Variants in RALGAPA1 observed in about 807,000 individuals in gnomAD.
The protein encoded by RALGAPA1 is Ral GTPase activating protein catalytic subunit alpha 1, also known as ral GTPase-activating protein subunit alpha-1.
Under a neutral mutation model 269.6 loss-of-function variants are expected in RALGAPA1, and 52 were observed. The observed-to-expected ratio is 0.19, with a 90% CI of 0.15 to 0.24. RALGAPA1 has a LOEUF of 0.24. RALGAPA1 is among the 10% of genes least tolerant of loss of function. RALGAPA1 has a pLI of 1.00. For synonymous variants in RALGAPA1, 817 were observed against 1,008.3 expected, an observed-to-expected ratio of 0.81 and a Z score of 3.60; for missense variants, 1,917 against 3,013.9, an observed-to-expected ratio of 0.64 and a Z score of 8.52.
chr14:35,789,342 C>T (rs2076000890), intron 1 of RALGAPA1, among the ~76,000 whole-genome samples: 1 of 151,862 alleles, frequency 6.6e-6, no homozygotes, highest in Admixed American at 6.6e-5. Context: ...GCCTATAATC[C>T]CAGCACTTTG....
chr14:35,717,934 C>T (rs371788509), intron 16 of RALGAPA1, among the ~76,000 whole-genome samples: 29 of 152,196 alleles, frequency 1.9e-4, no homozygotes, highest in African/African-American at 6.3e-4. Flanking sequence ...TCTCTTCTTT[C>T]CTTACTCCTC....
intron 30 of RALGAPA1, among the ~76,000 whole-genome samples, chr14:35,653,464 A>G (rs951619298): frequency 6.6e-6 from 1 of 152,208 alleles, no homozygotes; most frequent in Non-Finnish European, 1.5e-5. Flanking sequence ...CATTTCAGCT[A>G]GGAGGAAGAA....
chr14:35,689,081 G>C lies in RALGAPA1; in HGVS notation c.3330C>G (p.Asn1110Lys), dbSNP rs547439950. The C allele has an allele frequency of 4.4e-5, 55 of 1,236,312 alleles. No individual in the cohort carries two copies. Among genetic ancestry groups the C allele is most frequent in the Non-Finnish European group, 5.5e-5 (54 of 990,528 alleles). 76.6% of individuals were successfully genotyped at this position (1,236,312 alleles called of 1,614,324 possible). A position where few individuals can be genotyped will look rare whatever the true frequency, so the allele number is the denominator to read the frequency against. The change falls in exon 18 of 42, where the codon AAC becomes AAG. Residue 1110 changes from asparagine to lysine, a missense_variant. Coordinates refer to ENST00000680220, the MANE Select transcript of RALGAPA1 (RefSeq NM_001346249.2). ...TACTTGTAACATGAGGCATTCTGCG[G>C]TTAACAGGTGCTTTTAGTGTTGCTT... The part of the protein sequence containing the change: ...AKKATLKAPV[N>K]RRMPHVTSTS...
At chr14:35,623,362 T>TACAC (rs1041190884) in intron 35 of RALGAPA1, among the ~76,000 whole-genome samples, 15 of 150,386 alleles carry the variant, frequency 1.0e-4, no homozygotes, top group Admixed American at 4.0e-4. Flanking sequence ...CACACAGACA[T>TACAC]ACACACACAC....
chr14:35,620,613 CCAT>C (rs776695274), intron 35 of RALGAPA1, among the ~76,000 whole-genome samples: 3 of 152,176 alleles, frequency 2.0e-5, no homozygotes, highest in East Asian at 1.9e-4. Context: ...TTAGAAAACC[CCAT>C]CGTCTCAGCC....
At chr14:35,647,778 C>T (rs1433979547) in intron 31 of RALGAPA1, among the ~76,000 whole-genome samples, 2 of 151,450 alleles carry the variant, frequency 1.3e-5, no homozygotes, top group African/African-American at 4.9e-5. Context: ...TATGGTGAAA[C>T]CCCATCTCCA....
intron 37 of RALGAPA1, among the ~76,000 whole-genome samples, chr14:35,581,066 C>T (rs910322276): frequency 3.3e-5 from 5 of 152,036 alleles, no homozygotes; most frequent in African/African-American, 1.2e-4. Flanking sequence ...AACTTATTAC[C>T]ACTAATGTGG....
intron 28 of RALGAPA1, among the ~76,000 whole-genome samples, chr14:35,657,069 G>T (rs189120568): frequency 6.6e-6 from 1 of 152,010 alleles, no homozygotes; most frequent in Non-Finnish European, 1.5e-5. Context: ...CTTGCATGTA[G>T]AGTTTCCTAC....
rs755958684 is a variant in RALGAPA1 at position 35,683,973 on chromosome 14, C to A, written c.4307G>T (p.Gly1436Val). ...DGRKFDNFGF[G>V]TDTGVTSSAD... ...AGAGGACGTAACCCCAGTGTCGGTTCCAAAGCCAAAATCTATAGGAAGAAG... is the reference window on the plus strand; with the variant it reads ...AGAGGACGTAACCCCAGTGTCGGTTACAAAGCCAAAATCTATAGGAAGAAG... The change falls in exon 21 of 42, where the codon GGA (glycine) becomes GTA (valine). Residue 1436 changes from glycine (G) to valine (V), a missense_variant. Coordinates refer to ENST00000680220, the MANE Select transcript of RALGAPA1 (RefSeq NM_001346249.2). 12 of 1,607,262 alleles carry A rather than the reference C, an allele frequency of 7.5e-6. No individual in the cohort carries two copies. In the South Asian group the frequency reaches 1.3e-4, roughly 18 times the overall value.
intron 12 of RALGAPA1, among the ~76,000 whole-genome samples, chr14:35,737,675 T>C (rs749049966): frequency 1.5e-5 from 2 of 137,854 alleles, no homozygotes; most frequent in Non-Finnish European, 3.0e-5. Context: ...AGGAGAATCA[T>C]TTGAACCCAG....
At chr14:35,571,068 T>C (rs2057149530) in intron 38 of RALGAPA1, among the ~76,000 whole-genome samples, 1 of 152,200 alleles carries the variant, frequency 6.6e-6, no homozygotes, top group Non-Finnish European at 1.5e-5. Context: ...AATTTCCTTT[T>C]CTCCATTGAG....
At chr14:35,800,387 T>C (rs1031470558) in intron 1 of RALGAPA1, among the ~76,000 whole-genome samples, 3 of 152,190 alleles carry the variant, frequency 2.0e-5, no homozygotes, top group African/African-American at 7.2e-5. Context: ...TTATAAAAAA[T>C]AGTGTTTTCT....
intron 7 of RALGAPA1, among the ~76,000 whole-genome samples, chr14:35,752,874 A>G (rs1190136431): frequency 2.0e-5 from 3 of 152,184 alleles, no homozygotes; most frequent in Admixed American, 6.6e-5. Context: ...GAATAATATG[A>G]GCCACATTTC....
chr14:35,742,426 C>T lies in RALGAPA1; in HGVS notation c.1391G>A (p.Cys464Tyr). The T allele has an allele frequency of 6.2e-7, 1 of 1,605,620 alleles. No individual in the cohort carries two copies. The highest frequency in any genetic ancestry group is 1.1e-5 in the South Asian group (1 of 90,542). ...EIVITSSDLP[C>Y]IENVTDHDIS... ...ATCATGGTCTGTGACATTTTCAATG[C>T]AAGGGAGGTCTGAAGAAGTGATCAC... Residue 464 changes from cysteine (C) to tyrosine (Y), a missense_variant, in exon 11 of 42, where the codon TGC (cysteine) becomes TAC (tyrosine). This residue lies in a region of RALGAPA1 where 462 missense variants were observed against 725.6 expected (regional missense o/e 0.64). Transcript: ENST00000680220.
chr14:35,770,037 C>A (rs2074497513), intron 4 of RALGAPA1, among the ~76,000 whole-genome samples: 1 of 151,878 alleles, frequency 6.6e-6, no homozygotes, highest in African/African-American at 2.4e-5. Flanking sequence ...CTGAAGTAAG[C>A]AACAAATAAA....
At chr14:35,725,552 A>G (rs2069818665) in intron 13 of RALGAPA1, among the ~76,000 whole-genome samples, 1 of 152,226 alleles carries the variant, frequency 6.6e-6, no homozygotes, top group Admixed American at 6.5e-5. Flanking sequence ...AATATGGAGA[A>G]TAACTATATC....
chr14:35,545,749 G>T (rs1001298052), intron 41 of RALGAPA1, among the ~76,000 whole-genome samples: 10 of 151,842 alleles, frequency 6.6e-5, no homozygotes, highest in African/African-American at 2.4e-4. Flanking sequence ...CCTGTTTCTT[G>T]TTGTCATTCT....
At chr14:35,774,899 G>T (rs2074902494) in intron 3 of RALGAPA1, 107 bp downstream of exon 3, 1 of 709,630 alleles carries the variant, frequency 1.4e-6, no homozygotes, top group Non-Finnish European at 2.4e-6. Context: ...AGAAAGGCTG[G>T]CAAATTCAGA....
intron 17 of RALGAPA1, among the ~76,000 whole-genome samples, chr14:35,693,763 CTA>C (rs146595849): frequency 0.022 from 3,370 of 151,990 alleles, 123 homozygotes; most frequent in South Asian, 0.14. Context: ...TTTAAAAACT[CTA>C]TAAAGTTACA....
Sources: allele counts gnomAD v4.1 joint callset (sites outside exome capture counted in the v4.1 genomes callset), GRCh38; gene constraint gnomAD v4.1.1; regional missense constraint gnomAD v4.1.1; transcripts MANE v1.5; gene names NCBI Gene and HGNC (gene_info 2026-07-23, HGNC 2026-07-21).